AP1S3: variants seen among roughly 807,000 people sequenced by gnomAD.
AP1S3 encodes adaptor related protein complex 1 subunit sigma 3.
In AP1S3, 10 loss-of-function variants were observed where a neutral mutation model predicts 20.9. The observed-to-expected ratio is 0.48, with a 90% CI of 0.29 to 0.81. AP1S3 has a LOEUF of 0.81. Ranked by LOEUF, AP1S3 falls within the 30% of genes least tolerant of loss-of-function variation. The pLI, the probability that AP1S3 is intolerant of heterozygous loss-of-function variation, is 0.08. For synonymous variants in AP1S3, 41 were observed against 61.5 expected, an observed-to-expected ratio of 0.67 and a Z score of 1.56; for missense variants, 154 against 183.8, an observed-to-expected ratio of 0.84 and a Z score of 0.94.
chr2:223,823,743 TCTC>T (rs539493074), intron 1 of AP1S3, among the ~76,000 whole-genome samples: 34 of 152,162 alleles, frequency 2.2e-4, no homozygotes, highest in Admixed American at 5.2e-4. Context: ...TTTTATGTGT[TCTC>T]ATCACACACA....
Position 223,765,227 on chromosome 2 carries a change from CAG to C in AP1S3, c.413_414del (p.Ser138Ter), listed in dbSNP as rs1442718551. 2.5e-6 allele frequency: 4 copies of C among 1,613,974 alleles called. No homozygotes were observed. Among genetic ancestry groups the C allele is most frequent in the Non-Finnish European group, 2.5e-6 (3 of 1,180,004 alleles). ...KKIAVKAIEDSDMLQETMEEY... is the reference protein window; with the variant it reads ...KKIAVKAIEDXDMLQETMEEY... The stretch of plus-strand genomic sequence containing the variant: ...ACCGTACTGACCTCCTGTAACATAT[CAG>C]AGTCTTCAATGGCTTTGACAGCAAT... On this transcript the variant is annotated frameshift_variant, in exon 4 of 5. Coordinates refer to ENST00000396654, the MANE Select transcript of AP1S3 (RefSeq NM_001039569.2). LOFTEE classifies it high-confidence loss of function.
intron 1 of AP1S3, among the ~76,000 whole-genome samples, chr2:223,800,218 A>T (rs1252396821): frequency 6.6e-6 from 1 of 151,170 alleles, no homozygotes; most frequent in African/African-American, 2.4e-5. Context: ...GCGTCTAAAA[A>T]AAAAAAAAAA....
intron 3 of AP1S3, among the ~76,000 whole-genome samples, chr2:223,774,797 C>G (rs1183652070): frequency 6.6e-6 from 1 of 152,180 alleles, no homozygotes; most frequent in East Asian, 1.9e-4. Context: ...TGGAACATAA[C>G]AAATTCCAAT....
intron 4 of AP1S3, among the ~76,000 whole-genome samples, chr2:223,759,510 AC>A (rs1446826018): frequency 6.6e-6 from 1 of 152,212 alleles, no homozygotes; most frequent in African/African-American, 2.4e-5. Context: ...AGATAAACAG[AC>A]CAAAATTCTT....
At chr2:223,771,319 G>A (rs534808100) in intron 3 of AP1S3, among the ~76,000 whole-genome samples, 45 of 152,046 alleles carry the variant, frequency 3.0e-4, no homozygotes, top group African/African-American at 8.7e-4. Flanking sequence ...CCTGGGCAAC[G>A]GAGTAAGACT....
intron 1 of AP1S3, among the ~76,000 whole-genome samples, chr2:223,800,354 G>C (rs57451701): frequency 0.057 from 8,575 of 151,502 alleles, 430 homozygotes; most frequent in East Asian, 0.28. Flanking sequence ...GCAACATATC[G>C]AGAACCCATC....
intron 1 of AP1S3, among the ~76,000 whole-genome samples, chr2:223,780,939 T>G (rs1378885244): frequency 6.6e-6 from 1 of 151,850 alleles, no homozygotes; most frequent in Non-Finnish European, 1.5e-5. Context: ...CTTGCCCCAC[T>G]CCCTTTCTTC....
intron 1 of AP1S3, among the ~76,000 whole-genome samples, chr2:223,818,555 ATTTTC>A (rs1438433012): frequency 1.3e-5 from 2 of 151,290 alleles, no homozygotes; most frequent in Admixed American, 6.6e-5. Flanking sequence ...ACGTTAGCAA[ATTTTC>A]TTTTTTTTTT....
chr2:223,763,022 G>T (rs1690396542), intron 4 of AP1S3, among the ~76,000 whole-genome samples: 1 of 152,062 alleles, frequency 6.6e-6, no homozygotes, highest in Non-Finnish European at 1.5e-5. Flanking sequence ...GGCAAGATAT[G>T]CAAAGTCAAT....
At chr2:223,778,992 T>C (rs932769026) in intron 1 of AP1S3, among the ~76,000 whole-genome samples, 2 of 152,210 alleles carry the variant, frequency 1.3e-5, no homozygotes, top group Middle Eastern at 3.4e-3. Context: ...AGCCACAACA[T>C]CCAGCCTTAA....
chr2:223,828,295 C>A (rs1390255352), intron 1 of AP1S3, among the ~76,000 whole-genome samples: 2 of 131,392 alleles, frequency 1.5e-5, no homozygotes, highest in East Asian at 2.3e-4. Flanking sequence ...TCCTCTCTCT[C>A]TTTTTTTTTT....
In AP1S3 at chr2:223,788,290, C is replaced by T. The variant is rs138711922; in HGVS notation, c.4-10421G>A. Among the ~76,000 whole-genome samples the T allele has an allele frequency of 1.3e-4, 19 of 151,886 alleles. No homozygotes were observed. In the East Asian group the frequency reaches 3.7e-3, roughly 30 times the overall value. ...TATACTTAAGGCTTACATCACCACT[C>T]AGAGGACTTACATCATTTTCGCCCT... On this transcript the variant is annotated intron_variant, in intron 1 of 4. Transcript: ENST00000396654.
chr2:223,789,195 C>T (rs180808259), intron 1 of AP1S3, among the ~76,000 whole-genome samples: 1 of 151,102 alleles, frequency 6.6e-6, no homozygotes, highest in East Asian at 1.9e-4. Flanking sequence ...GCTACACACA[C>T]ATACACACAT....
intron 1 of AP1S3, among the ~76,000 whole-genome samples, chr2:223,827,198 G>A (rs4674823): frequency 0.48 from 73,418 of 151,778 alleles, 17,823 homozygotes; most frequent in Middle Eastern, 0.57. Context: ...TTTGAAAGGC[G>A]GGACTCTCTT....
chr2:223,812,382 T>C (rs1314854763), intron 1 of AP1S3, among the ~76,000 whole-genome samples: 3 of 152,042 alleles, frequency 2.0e-5, no homozygotes, highest in African/African-American at 4.8e-5. Flanking sequence ...CCACCACGCC[T>C]GGCTAATTTT....
At position 223,756,840 on chromosome 2, in the gene AP1S3, C is replaced by T; in HGVS notation, c.*1875G>A. ...AGATGGGATCTCCTAAAGAATCCAACAGGAAACACACTCTTCTAGGAAATC... is the reference window on the plus strand; with the variant it reads ...AGATGGGATCTCCTAAAGAATCCAATAGGAAACACACTCTTCTAGGAAATC... On this transcript the variant is annotated 3_prime_UTR_variant, in exon 5 of 5. Transcript: ENST00000396654. The T allele has an allele frequency of 1.0e-6, 1 of 985,360 alleles. No individual in the cohort carries two copies. Among genetic ancestry groups the T allele is most frequent in the Non-Finnish European group, 1.2e-6 (1 of 829,934 alleles). The allele number at this position is 985,360 out of a possible 1,614,324, so 61.0% of individuals were successfully genotyped here. A position where few individuals can be genotyped will look rare whatever the true frequency, so the allele number is the denominator to read the frequency against.
intron 1 of AP1S3, among the ~76,000 whole-genome samples, chr2:223,832,420 A>G (rs1409724596): frequency 6.6e-6 from 1 of 152,106 alleles, no homozygotes; most frequent in Non-Finnish European, 1.5e-5. Context: ...AGGAGTAAAT[A>G]CAAGTCTCAC....
intron 1 of AP1S3, among the ~76,000 whole-genome samples, chr2:223,828,033 T>G (rs1692171879): frequency 8.1e-6 from 1 of 123,508 alleles, no homozygotes; most frequent in African/African-American, 3.2e-5. Flanking sequence ...CACTCCAGCC[T>G]GGGGTACAAG....
intron 1 of AP1S3, among the ~76,000 whole-genome samples, chr2:223,822,598 C>T (rs1418004022): frequency 7.9e-5 from 12 of 152,002 alleles, no homozygotes; most frequent in African/African-American, 1.9e-4. Context: ...GCAGGAGAAT[C>T]GCTTTAACCT....
Sources: allele counts gnomAD v4.1 joint callset (sites outside exome capture counted in the v4.1 genomes callset), GRCh38; gene constraint gnomAD v4.1.1; transcripts MANE v1.5; gene names NCBI Gene and HGNC (gene_info 2026-07-23, HGNC 2026-07-21).